The following MTUS2 variants were observed in gnomAD, a reference collection of about 807,000 sequenced individuals.
The protein encoded by MTUS2 is microtubule-associated tumor suppressor candidate 2.
Under a neutral mutation model 114.1 loss-of-function variants are expected in MTUS2, and 40 were observed. That is an observed-to-expected ratio of 0.35 (90% CI 0.27 to 0.46). The LOEUF (loss-of-function observed/expected upper bound fraction) is 0.46. Ranked by LOEUF, MTUS2 falls within the 20% of genes least tolerant of loss-of-function variation. The pLI is 1.00. For missense variants in MTUS2, 1,679 were observed against 1,705.4 expected (o/e 0.98, Z 0.27); for synonymous variants, 688 against 672.0 (o/e 1.02, Z -0.37).
intron 4 of MTUS2, among the ~76,000 whole-genome samples, chr13:29,040,427 G>A (rs779234433): frequency 2.0e-5 from 3 of 152,092 alleles, no homozygotes; most frequent in Non-Finnish European, 4.4e-5. Context: ...TATTATAAAC[G>A]TGTGTGCAAG....
chr13:29,449,071 C>A (rs1234902498), intron 9 of MTUS2, among the ~76,000 whole-genome samples: 1 of 152,038 alleles, frequency 6.6e-6, no homozygotes, highest in Non-Finnish European at 1.5e-5. Context: ...CTCTTTCTAG[C>A]AGAGTTTCTC....
rs775269841 is a variant in MTUS2, at chr13:29,025,496, A to G, written c.798A>G (p.Val266=). 1.2e-6 allele frequency: 2 copies of G among 1,613,602 alleles called. No individual in the cohort carries two copies. The highest frequency in any genetic ancestry group is 1.1e-5 in the South Asian group (1 of 90,960). ...AGACCCAAACAGTGGGGGCACATGT[A>G]CTGCAGGTGTGCAGTGAGCACACAT... is the stretch of plus-strand genomic sequence containing the variant. ...PSETQTVGAH[V]LQVCSEHTSH... Residue 266 remains valine, a synonymous_variant, in exon 3 of 16, where the codon GTA becomes GTG. Transcript: ENST00000612955.
At chr13:28,945,445 C>G (rs1487108856) in intron 2 of MTUS2, among the ~76,000 whole-genome samples, 2 of 152,186 alleles carry the variant, frequency 1.3e-5, no homozygotes, top group Non-Finnish European at 2.9e-5. Flanking sequence ...TACATTCCCA[C>G]TGGCAGTGTA....
At chr13:29,412,908 G>A (rs1377167321) in intron 8 of MTUS2, among the ~76,000 whole-genome samples, 4 of 152,158 alleles carry the variant, frequency 2.6e-5, no homozygotes, top group South Asian at 2.1e-4. Context: ...CCACTTTCTC[G>A]TCTTTACCAG....
intron 5 of MTUS2, among the ~76,000 whole-genome samples, chr13:29,212,646 T>C (rs531793589): frequency 1.3e-5 from 2 of 152,360 alleles, no homozygotes; most frequent in South Asian, 2.1e-4. Flanking sequence ...AACATCTTAC[T>C]TACATTTACC....
At position 29,025,759 on chromosome 13, in the gene MTUS2, C is replaced by T. The variant is rs111321492; in HGVS notation, c.1061C>T (p.Pro354Leu). The T allele has an allele frequency of 6.7e-4, 1,086 of 1,613,928 alleles. 7 individuals are homozygous for T. The African/African-American group carries it at 0.012, about 18-fold the overall frequency. ...EGRDPCGEAH[P>L]EATDALGHLL... is the part of the protein sequence containing the mutation. Reference sequence around the variant, plus strand: ...AGGGATCCATGTGGGGAAGCACACCCGGAAGCCACCGATGCACTTGGCCAT... The same window carrying T: ...AGGGATCCATGTGGGGAAGCACACCTGGAAGCCACCGATGCACTTGGCCAT... Residue 354 changes from proline to leucine, a missense_variant, in exon 3 of 16, where the codon CCG becomes CTG. Coordinates refer to ENST00000612955, the MANE Select transcript of MTUS2 (RefSeq NM_001033602.4).
At chr13:29,223,639 G>T (rs1027013227) in intron 5 of MTUS2, among the ~76,000 whole-genome samples, 5 of 152,184 alleles carry the variant, frequency 3.3e-5, no homozygotes, top group African/African-American at 1.2e-4. Context: ...ATTCTTCCTG[G>T]ACATGGGACA....
chr13:29,025,211 A>G lies in MTUS2; in HGVS notation c.513A>G (p.Glu171=), dbSNP rs1175002140. 2 of 1,613,976 alleles carry G rather than the reference A, an allele frequency of 1.2e-6. No homozygotes were observed. The highest frequency in any genetic ancestry group is 8.5e-7 in the Non-Finnish European group (1 of 1,179,888). Residue 171 remains glutamate (E), a synonymous_variant, in exon 3 of 16, where the codon GAA becomes GAG. Transcript: ENST00000612955. The part of the protein sequence containing the change: ...DKLAKTLDNE[E]LRRHSLERAS... Reference sequence around the variant, plus strand: ...TGGCAAAGACCCTTGACAATGAGGAACTGAGGAGGCATTCTTTGGAAAGAG... The same window carrying G: ...TGGCAAAGACCCTTGACAATGAGGAGCTGAGGAGGCATTCTTTGGAAAGAG...
At chr13:28,994,540 C>T (rs1487925278) in intron 2 of MTUS2, among the ~76,000 whole-genome samples, 1 of 152,186 alleles carries the variant, frequency 6.6e-6, no homozygotes, top group African/African-American at 2.4e-5. Flanking sequence ...GTTCCTATTT[C>T]TCCACATCCT....
chr13:29,479,777 T>A (rs934407303), intron 9 of MTUS2, among the ~76,000 whole-genome samples: 1 of 152,206 alleles, frequency 6.6e-6, no homozygotes, highest in Non-Finnish European at 1.5e-5. Context: ...CAGGGCGTAT[T>A]TCAGAGTCTA....
intron 5 of MTUS2, among the ~76,000 whole-genome samples, chr13:29,134,279 A>C (rs1003364393): frequency 6.6e-6 from 1 of 152,082 alleles, no homozygotes; most frequent in African/African-American, 2.4e-5. Context: ...AATCTATTGA[A>C]GCTTAATTTG....
At chr13:28,994,262 T>C (rs1884989609) in intron 2 of MTUS2, among the ~76,000 whole-genome samples, 1 of 152,200 alleles carries the variant, frequency 6.6e-6, no homozygotes, top group Non-Finnish European at 1.5e-5. Context: ...CAGTATTCCA[T>C]GGTGTATATG....
intron 5 of MTUS2, among the ~76,000 whole-genome samples, chr13:29,274,034 A>G (rs905389344): frequency 6.6e-6 from 1 of 152,168 alleles, no homozygotes; most frequent in African/African-American, 2.4e-5. Context: ...TCTTGAGCAT[A>G]TACTTAGGAA....
chr13:29,400,426 A>G (rs555493972), intron 8 of MTUS2, among the ~76,000 whole-genome samples: 1 of 152,378 alleles, frequency 6.6e-6, no homozygotes, highest in African/African-American at 2.4e-5. Context: ...TCTTAAGAGC[A>G]TCTCTAAGCA....
At chr13:29,454,485 GC>G (rs1439307802) in intron 9 of MTUS2, among the ~76,000 whole-genome samples, 8 of 152,252 alleles carry the variant, frequency 5.3e-5, no homozygotes, top group African/African-American at 1.9e-4. Flanking sequence ...AAATCAAATT[GC>G]CAATTTATTA....
rs866041747 is a variant in MTUS2, at chr13:29,355,401, G to A, written c.2906-3861G>A. Reference sequence around the variant, plus strand: ...CAGCTACAAAGAGATTATGATTGGGGTAACATTTAGATGGCAGGAGGGTGT... The same window carrying A: ...CAGCTACAAAGAGATTATGATTGGGATAACATTTAGATGGCAGGAGGGTGT... On this transcript the variant is annotated intron_variant, in intron 7 of 15. Transcript: ENST00000612955. Among the ~76,000 whole-genome samples the A allele has an allele frequency of 4.6e-5, 7 of 152,224 alleles. No individual in the cohort carries two copies. The South Asian group carries it at 1.4e-3, about 32-fold the overall frequency.
rs1882704772 is a variant in MTUS2, at chr13:29,498,635, A to G, written c.3798+98A>G. 6 of 1,506,146 alleles carry G rather than the reference A, an allele frequency of 4.0e-6. No homozygotes were observed. In the East Asian group the frequency reaches 1.4e-4, roughly 35 times the overall value. 93.3% of individuals were successfully genotyped at this position (1,506,146 alleles called of 1,614,324 possible). On this transcript the variant is annotated intron_variant, in intron 14 of 15. Coordinates refer to ENST00000612955, the MANE Select transcript of MTUS2 (RefSeq NM_001033602.4). ...TGGTGTTCAGCCAGGTGTGTCCCTT[A>G]CCTGCCCATTGCTTACACCCAAGCA...
chr13:29,239,785 G>C (rs935048373), intron 5 of MTUS2: 2 of 152,080 alleles, frequency 1.3e-5, no homozygotes, highest in African/African-American at 2.4e-5. Flanking sequence ...ACTGTCTCCT[G>C]TTCTTTCCCT....
chr13:29,424,991 G>A (rs181581703), intron 8 of MTUS2, among the ~76,000 whole-genome samples: 3 of 152,254 alleles, frequency 2.0e-5, no homozygotes, highest in Non-Finnish European at 4.4e-5. Flanking sequence ...GCTAGGTATT[G>A]GATACCAAGG....
Sources: gnomAD v4.1 joint callset for allele counts (sites outside exome capture counted in the v4.1 genomes callset) on GRCh38, gnomAD v4.1.1 for gene constraint, MANE v1.5 for transcripts, NCBI Gene and HGNC (gene_info 2026-07-23, HGNC 2026-07-21) for gene names.